Variants in MAST4 observed in about 807,000 individuals in gnomAD.
MAST4 encodes microtubule-associated serine/threonine-protein kinase 4.
Under a neutral mutation model 162.7 loss-of-function variants are expected in MAST4, and 89 were observed. The observed-to-expected ratio is 0.55, with a 90% CI of 0.46 to 0.65. The LOEUF is 0.65. Ranked by LOEUF, MAST4 falls within the 30% of genes least tolerant of loss-of-function variation. The pLI is 0.00. For missense variants in MAST4, 3,153 were observed against 3,374.0 expected (o/e 0.93, Z 1.62); for synonymous variants, 1,479 against 1,361.1 (o/e 1.09, Z -1.91).
intron 1 of MAST4, among the ~76,000 whole-genome samples, chr5:66,736,459 G>A (rs913261741): frequency 6.6e-6 from 1 of 151,808 alleles, no homozygotes; most frequent in Non-Finnish European, 1.5e-5. Context: ...TAAAAAAATA[G>A]CAAATTACCC....
chr5:67,043,720 A>C (rs1267298435), intron 4 of MAST4, among the ~76,000 whole-genome samples: 1 of 152,260 alleles, frequency 6.6e-6, no homozygotes, highest in African/African-American at 2.4e-5. Context: ...GAAGTTAAAA[A>C]CAAAAAACAA....
At chr5:67,142,581 C>T in intron 21 of MAST4, 48 bp downstream of exon 21, 2 of 1,271,450 alleles carry the variant, frequency 1.6e-6, no homozygotes, top group East Asian at 2.5e-5. Context: ...GGGAGGATCT[C>T]CCGCTGGCCA....
chr5:66,806,842 A>G (rs1170446880), intron 3 of MAST4, among the ~76,000 whole-genome samples: 1 of 151,944 alleles, frequency 6.6e-6, no homozygotes, highest in Non-Finnish European at 1.5e-5. Flanking sequence ...GCTCAATTTC[A>G]TATCTCCTTG....
intron 5 of MAST4, among the ~76,000 whole-genome samples, chr5:67,056,351 C>G (rs1758822915): frequency 6.6e-6 from 1 of 152,156 alleles, no homozygotes; most frequent in South Asian, 2.1e-4. Flanking sequence ...GGACATTACT[C>G]TAGCACTCAG....
chr5:66,958,857 T>A (rs553922741), intron 4 of MAST4: 2 of 201,228 alleles, frequency 9.9e-6, no homozygotes, highest in East Asian at 2.0e-4. Flanking sequence ...TTTACAAGTA[T>A]GACACTGTTG....
intron 1 of MAST4, chr5:66,662,776 A>G (rs183714159): frequency 6.6e-6 from 1 of 152,282 alleles, no homozygotes; most frequent in African/African-American, 2.4e-5. Context: ...AAATTGGGTA[A>G]TCCCTTAAAG....
intron 3 of MAST4, among the ~76,000 whole-genome samples, chr5:66,882,311 A>T (rs1388199482): frequency 2.0e-5 from 3 of 152,024 alleles, no homozygotes; most frequent in Admixed American, 2.0e-4. Flanking sequence ...GACATTATCT[A>T]CTTAAATACA....
At chr5:66,981,604 T>C (rs1748845309) in intron 4 of MAST4, among the ~76,000 whole-genome samples, 1 of 152,216 alleles carries the variant, frequency 6.6e-6, no homozygotes, top group African/African-American at 2.4e-5. Flanking sequence ...GCCAGAAGCT[T>C]CAGATGCTTC....
chr5:67,076,608 C>T (rs553616128), intron 5 of MAST4, among the ~76,000 whole-genome samples: 16 of 152,266 alleles, frequency 1.1e-4, no homozygotes, highest in Middle Eastern at 6.8e-3. Flanking sequence ...TTATACCTGA[C>T]CCCCCTCCCC....
intron 3 of MAST4, among the ~76,000 whole-genome samples, chr5:66,888,901 G>A (rs1336084603): frequency 6.6e-6 from 1 of 152,152 alleles, no homozygotes; most frequent in Non-Finnish European, 1.5e-5. Context: ...CTTTCCCAGG[G>A]CATTTTCCTG....
intron 3 of MAST4, among the ~76,000 whole-genome samples, chr5:66,818,304 A>G (rs867495212): frequency 6.6e-6 from 1 of 152,202 alleles, no homozygotes; most frequent in Non-Finnish European, 1.5e-5. Context: ...GCAGCTGCTC[A>G]TCAGAGTCTT....
intron 1 of MAST4, among the ~76,000 whole-genome samples, chr5:66,609,815 G>A (rs1743174166): frequency 6.6e-6 from 1 of 150,644 alleles, no homozygotes; most frequent in Non-Finnish European, 1.5e-5. Context: ...TTTGGAACTT[G>A]GAGTGTATAG....
At chr5:66,631,608 C>G (rs762305739) in intron 1 of MAST4, among the ~76,000 whole-genome samples, 1 of 152,112 alleles carries the variant, frequency 6.6e-6, no homozygotes. Flanking sequence ...AGCTCCCCAA[C>G]AACACCCCCA....
chr5:66,987,432 C>CT (rs11315007), intron 4 of MAST4, among the ~76,000 whole-genome samples: 1 of 151,664 alleles, frequency 6.6e-6, no homozygotes, highest in African/African-American at 2.4e-5. Context: ...TTATAATACC[C>CT]TTTTTTTTGT....
chr5:66,962,521 A>G (rs1176148246), intron 4 of MAST4, among the ~76,000 whole-genome samples: 3 of 152,182 alleles, frequency 2.0e-5, no homozygotes, highest in Non-Finnish European at 4.4e-5. Flanking sequence ...CAGGCTGAGC[A>G]ACATCTTGAA....
intron 2 of MAST4, among the ~76,000 whole-genome samples, chr5:66,760,682 T>A (rs182771120): frequency 2.0e-5 from 3 of 152,340 alleles, no homozygotes; most frequent in African/African-American, 7.2e-5. Flanking sequence ...CTCAGTGTGA[T>A]GTTTTTAAGA....
chr5:66,800,338 T>C (rs1323536616), intron 3 of MAST4, among the ~76,000 whole-genome samples: 1 of 152,224 alleles, frequency 6.6e-6, no homozygotes, highest in Non-Finnish European at 1.5e-5. Flanking sequence ...TGGGTGCAGA[T>C]ACATCATGGA....
chr5:66,769,961 A>G (rs370788592), intron 2 of MAST4, among the ~76,000 whole-genome samples: 2 of 152,232 alleles, frequency 1.3e-5, no homozygotes, highest in Non-Finnish European at 2.9e-5. Context: ...TTGTTTTACT[A>G]GTTCTTAATA....
At chr5:66,829,035 T>C (rs1757418678) in intron 3 of MAST4, among the ~76,000 whole-genome samples, 1 of 152,198 alleles carries the variant, frequency 6.6e-6, no homozygotes, top group Admixed American at 6.5e-5. Context: ...TGGTTACAGG[T>C]ATGACACATC....
Sources: gnomAD v4.1 joint callset for allele counts (sites outside exome capture counted in the v4.1 genomes callset) on GRCh38, gnomAD v4.1.1 for gene constraint, MANE v1.5 for transcripts, NCBI Gene and HGNC (gene_info 2026-07-23, HGNC 2026-07-21) for gene names.